The following FZD3 variants were observed in gnomAD, a reference collection of about 807,000 sequenced individuals.
FZD3 encodes the protein frizzled class receptor 3.
Under a neutral mutation model 60.7 loss-of-function variants are expected in FZD3, and 30 were observed. That is an observed-to-expected ratio of 0.49 (90% CI 0.37 to 0.67). The LOEUF (loss-of-function observed/expected upper bound fraction) is 0.67, where lower values mean the gene tolerates loss of function less well. FZD3 is among the 30% of genes least tolerant of loss of function. The pLI, the probability that FZD3 is intolerant of heterozygous loss-of-function variation, is 0.00. For synonymous variants in FZD3, 246 were observed against 275.2 expected (o/e 0.89, Z 1.05); for missense variants, 605 against 838.7 (o/e 0.72, Z 3.44).
chr8:28,529,928 G>A (rs1804819503), intron 5 of FZD3, among the ~76,000 whole-genome samples: 1 of 152,006 alleles, frequency 6.6e-6, no homozygotes, highest in South Asian at 2.1e-4. Context: ...TTATTTTAGG[G>A]CTATTGAAGA....
At chr8:28,541,008 C>T (rs973404472) in intron 5 of FZD3, among the ~76,000 whole-genome samples, 24 of 152,180 alleles carry the variant, frequency 1.6e-4, no homozygotes, top group African/African-American at 5.8e-4. Context: ...CACTGTATCC[C>T]ATTTCCTTTA....
rs1193419807 is a variant in FZD3, at chr8:28,562,961, C to T, written c.1951C>T (p.His651Tyr). 1 of 1,613,474 alleles carries T rather than the reference C, an allele frequency of 6.2e-7. No individual in the cohort carries two copies. The highest frequency in any genetic ancestry group is 1.3e-5 in the African/African-American group (1 of 74,912). ...TAATAATCCCATGACTCATATCACA[C>T]ATGGCACCAGCATGAATCGGGTTAT... ...LSNNPMTHIT[H>Y]GTSMNRVIEE... Residue 651 changes from histidine to tyrosine, a missense_variant, in exon 8 of 8, where the codon CAT (histidine) becomes TAT (tyrosine). By Grantham distance (83) the His-to-Tyr change is moderately conservative (BLOSUM62 2). Coordinates refer to ENST00000240093, the MANE Select transcript of FZD3 (RefSeq NM_017412.4).
At chr8:28,522,157 T>A (rs1420638429) in intron 4 of FZD3, among the ~76,000 whole-genome samples, 1 of 149,930 alleles carries the variant, frequency 6.7e-6, no homozygotes, top group African/African-American at 2.5e-5. Flanking sequence ...TAGGGTGGAG[T>A]GCAGTGGCAT....
At chr8:28,535,143 A>G (rs567761374) in intron 5 of FZD3, among the ~76,000 whole-genome samples, 2 of 152,348 alleles carry the variant, frequency 1.3e-5, no homozygotes, top group South Asian at 4.1e-4. Flanking sequence ...GCATGAATGT[A>G]AATTCATAAT....
chr8:28,514,465 G>C (rs1201857152), intron 3 of FZD3, among the ~76,000 whole-genome samples: 1 of 152,128 alleles, frequency 6.6e-6, no homozygotes, highest in East Asian at 1.9e-4. Flanking sequence ...CAGATCCTGT[G>C]AAACCATCAC....
intron 5 of FZD3, among the ~76,000 whole-genome samples, chr8:28,551,018 A>G (rs567550964): frequency 3.9e-5 from 6 of 152,272 alleles, no homozygotes; most frequent in African/African-American, 1.4e-4. Context: ...CCGCCATTGT[A>G]CAAATGCTGT....
rs756134564 is a variant in FZD3, at chr8:28,528,115, C to T, written c.1355C>T (p.Thr452Met). The change falls in exon 5 of 8, where the codon ACG becomes ATG. Residue 452 changes from threonine to methionine, a missense_variant. Transcript: ENST00000240093. ...GCTTACCGGGGCATCTGGGAAACAA[C>T]GTGGATACAAGAACGCTGCAGAGAA... ...EQAYRGIWET[T>M]WIQERCREYH... 6 of 1,613,714 alleles carry T rather than the reference C, an allele frequency of 3.7e-6. No individual in the cohort carries two copies. The highest frequency in any genetic ancestry group is 2.2e-5 in the South Asian group (2 of 91,068).
intron 3 of FZD3, among the ~76,000 whole-genome samples, chr8:28,506,561 C>T (rs932865497): frequency 3.9e-5 from 6 of 152,128 alleles, no homozygotes; most frequent in East Asian, 1.9e-4. Flanking sequence ...CCCCTCCCCA[C>T]CCCATATATA....
At chr8:28,521,752 C>G (rs967612574) in intron 4 of FZD3, among the ~76,000 whole-genome samples, 1 of 152,156 alleles carries the variant, frequency 6.6e-6, no homozygotes, top group Non-Finnish European at 1.5e-5. Flanking sequence ...TACCTGTAAC[C>G]TGTAGGTCTA....
intron 3 of FZD3, among the ~76,000 whole-genome samples, chr8:28,514,554 C>G (rs1410166044): frequency 6.6e-6 from 1 of 152,184 alleles, no homozygotes; most frequent in African/African-American, 2.4e-5. Flanking sequence ...TCTCTACTGC[C>G]TGCTCCAAGC....
At chr8:28,546,604 C>T (rs1238504933) in intron 5 of FZD3, among the ~76,000 whole-genome samples, 1 of 149,350 alleles carries the variant, frequency 6.7e-6, no homozygotes, top group Non-Finnish European at 1.5e-5. Flanking sequence ...CAATGCCCCA[C>T]CCAGCACTTA....
chr8:28,557,224 A>G (rs67203846), intron 7 of FZD3, among the ~76,000 whole-genome samples: 27 of 133,940 alleles, frequency 2.0e-4, no homozygotes, highest in South Asian at 4.9e-4. Flanking sequence ...AAAAAAAAAA[A>G]AAGAAGAAGA....
rs373372573 is a variant in FZD3, at chr8:28,555,393, A to T, written c.1554-345A>T. On this transcript the variant is annotated intron_variant, in intron 6 of 7. Coordinates refer to ENST00000240093, the MANE Select transcript of FZD3 (RefSeq NM_017412.4). ...TTTGGCTGAAAGGGACCTTTTAGAAATGATGAAATTGTATACTTTCATTTT... is the reference window on the plus strand; with the variant it reads ...TTTGGCTGAAAGGGACCTTTTAGAATTGATGAAATTGTATACTTTCATTTT... Among the ~76,000 whole-genome samples, 22 of 152,368 alleles carry T rather than the reference A, an allele frequency of 1.4e-4. 1 individual carries two copies. The highest frequency in any genetic ancestry group is 4.8e-4 in the African/African-American group (20 of 41,594).
intron 3 of FZD3, among the ~76,000 whole-genome samples, chr8:28,517,786 A>G (rs1489238454): frequency 1.3e-5 from 2 of 152,104 alleles, no homozygotes; most frequent in Non-Finnish European, 2.9e-5. Flanking sequence ...TGAATTTTTA[A>G]TCTTTTATTG....
chr8:28,556,055 A>C, intron 7 of FZD3, 84 bp downstream of exon 7: 1 of 870,266 alleles, frequency 1.1e-6, no homozygotes, highest in Non-Finnish European at 1.8e-6. Context: ...CAATTCTGAA[A>C]TAGAAGTCGA....
rs538567431 is a variant in FZD3 at position 28,515,742 on chromosome 8, A to G, written c.190-4896A>G. Among the ~76,000 whole-genome samples the G allele has an allele frequency of 2.8e-4, 42 of 152,182 alleles. 2 individuals are homozygous for G. Among genetic ancestry groups the G allele is most frequent in the Middle Eastern group, 3.4e-3 (1 of 294 alleles). On this transcript the variant is annotated intron_variant, in intron 3 of 7. Transcript: ENST00000240093. ...CTTATCAGGAAGCTGCTGATCACCAATTTCAGGTTTTTCTTATCTGTTGGG... is the reference window on the plus strand; with the variant it reads ...CTTATCAGGAAGCTGCTGATCACCAGTTTCAGGTTTTTCTTATCTGTTGGG...
intron 7 of FZD3, among the ~76,000 whole-genome samples, chr8:28,559,672 T>C (rs1404283834): frequency 1.3e-5 from 2 of 152,222 alleles, no homozygotes; most frequent in Non-Finnish European, 2.9e-5. Flanking sequence ...TTAGGGCAGA[T>C]TTGAGAGATT....
intron 5 of FZD3, among the ~76,000 whole-genome samples, chr8:28,541,027 T>C (rs1189600931): frequency 3.3e-5 from 5 of 152,206 alleles, no homozygotes; most frequent in African/African-American, 1.2e-4. Flanking sequence ...TATTCAAATA[T>C]TTTTCTTTAG....
At chr8:28,529,543 G>A (rs1804808119) in intron 5 of FZD3, among the ~76,000 whole-genome samples, 2 of 152,024 alleles carry the variant, frequency 1.3e-5, no homozygotes, top group African/African-American at 2.4e-5. Flanking sequence ...TTTAAGACAT[G>A]GTAACAGAAA....
Sources: allele counts gnomAD v4.1 joint callset (sites outside exome capture counted in the v4.1 genomes callset), GRCh38; gene constraint gnomAD v4.1.1; transcripts MANE v1.5; gene names NCBI Gene and HGNC (gene_info 2026-07-23, HGNC 2026-07-21).